The following ZMYM4 variants were observed in gnomAD, a reference collection of about 807,000 sequenced individuals.
ZMYM4 encodes zinc finger MYM-type protein 4.
Under a neutral mutation model 183.2 loss-of-function variants are expected in ZMYM4, and 31 were observed. The observed-to-expected ratio is 0.17, with a 90% CI of 0.13 to 0.23. The LOEUF is 0.23. ZMYM4 is among the 10% of genes least tolerant of loss of function. ZMYM4 has a pLI of 1.00. For synonymous variants in ZMYM4, 592 were observed against 631.2 expected (o/e 0.94, Z 0.93); for missense variants, 1,273 against 1,840.3 (o/e 0.69, Z 5.64).
At chr1:35,405,676 G>C (rs1020833311) in intron 25 of ZMYM4, among the ~76,000 whole-genome samples, 1 of 150,986 alleles carries the variant, frequency 6.6e-6, no homozygotes, top group African/African-American at 2.4e-5. Context: ...ACAGAATTTT[G>C]TTTTATTTTT....
At chr1:35,345,600 A>G (rs1044987046) in intron 2 of ZMYM4, among the ~76,000 whole-genome samples, 2 of 151,834 alleles carry the variant, frequency 1.3e-5, no homozygotes, top group African/African-American at 4.8e-5. Context: ...GGTGCATGCC[A>G]CTTCACCGGC....
chr1:35,384,195 G>A (rs764210305), intron 9 of ZMYM4, among the ~76,000 whole-genome samples: 1 of 152,162 alleles, frequency 6.6e-6, no homozygotes, highest in Non-Finnish European at 1.5e-5. Flanking sequence ...CTACTTGATA[G>A]GGAAAGATGA....
chr1:35,293,303 C>G (rs1449704547), intron 1 of ZMYM4, among the ~76,000 whole-genome samples: 1 of 151,990 alleles, frequency 6.6e-6, no homozygotes, highest in Non-Finnish European at 1.5e-5. Flanking sequence ...CCATACCATG[C>G]CATTAACATG....
At chr1:35,352,946 A>T (rs1186457713) in intron 2 of ZMYM4, among the ~76,000 whole-genome samples, 3 of 152,210 alleles carry the variant, frequency 2.0e-5, no homozygotes. Flanking sequence ...TCTTAACTAC[A>T]GGCTAATATA....
chr1:35,366,583 C>T (rs1336517723), intron 5 of ZMYM4, among the ~76,000 whole-genome samples: 1 of 151,982 alleles, frequency 6.6e-6, no homozygotes, highest in Non-Finnish European at 1.5e-5. Context: ...ATAAACTTCC[C>T]AGTTAGATGA....
chr1:35,358,889 A>G (rs755681871), intron 2 of ZMYM4, 36 bp from the exon 3 acceptor site: 38 of 1,556,808 alleles, frequency 2.4e-5, no homozygotes, highest in Non-Finnish European at 3.2e-5. Context: ...CATCTTTAGC[A>G]CTATCATTTG....
rs568862526 is a variant in ZMYM4 at position 35,366,477 on chromosome 1, A to G, written c.841-3552A>G. ...AAAATAATGGAAAAAGGGAAATAAA[A>G]TTATCACTTGCTATTAAGAATATTT... is the stretch of plus-strand genomic sequence containing the variant. On this transcript the variant is annotated intron_variant, in intron 5 of 29. Coordinates refer to ENST00000314607, the MANE Select transcript of ZMYM4 (RefSeq NM_005095.3). Among the ~76,000 whole-genome samples the G allele has an allele frequency of 1.1e-3, 175 of 152,334 alleles. 1 individual carries two copies. The highest frequency in any genetic ancestry group is 4.1e-3 in the African/African-American group (169 of 41,584).
intron 5 of ZMYM4, among the ~76,000 whole-genome samples, chr1:35,368,961 A>G (rs941520738): frequency 6.6e-6 from 1 of 152,166 alleles, no homozygotes; most frequent in Non-Finnish European, 1.5e-5. Context: ...TATCTTCATT[A>G]CTGAGGTTTT....
intron 2 of ZMYM4, among the ~76,000 whole-genome samples, chr1:35,356,248 A>G (rs1570426432): frequency 6.6e-6 from 1 of 152,220 alleles, no homozygotes; most frequent in East Asian, 1.9e-4. Flanking sequence ...AAGTAAATGT[A>G]GTGATATGGA....
intron 5 of ZMYM4, chr1:35,366,012 G>A (rs1193529300): frequency 1.3e-5 from 2 of 152,170 alleles, no homozygotes; most frequent in Non-Finnish European, 2.9e-5. Flanking sequence ...CCATCACAGA[G>A]ACTAAGAGAG....
intron 2 of ZMYM4, among the ~76,000 whole-genome samples, chr1:35,344,034 T>C (rs1031265894): frequency 2.0e-5 from 3 of 151,788 alleles, no homozygotes; most frequent in Non-Finnish European, 2.9e-5. Context: ...TATAGTCTTT[T>C]CATAAGCATG....
chr1:35,396,740 T>G, intron 19 of ZMYM4, 70 bp downstream of exon 19: 1 of 1,492,472 alleles, frequency 6.7e-7, no homozygotes, highest in Non-Finnish European at 9.0e-7. Flanking sequence ...TATAGTTCTG[T>G]GAAGAAAGTT....
chr1:35,355,200 C>CTT lies in ZMYM4; in HGVS notation c.86-3699_86-3698dup, dbSNP rs1013941289. ...AGGTGCCCGTCACCACGCCTGGCTT[C>CTT]TTTTTTTTTTTTTTTTTTTTTTTTT... On this transcript the variant is annotated intron_variant, in intron 2 of 29. Transcript: ENST00000314607. Among the ~76,000 whole-genome samples, 204 of 77,198 alleles carry CTT rather than the reference C, an allele frequency of 2.6e-3. 10 individuals are homozygous for CTT. Among genetic ancestry groups the CTT allele is most frequent in the African/African-American group, 4.4e-3 (85 of 19,242 alleles). The allele number at this position is 77,198 out of a possible 152,430, so 50.6% of individuals were successfully genotyped here.
chr1:35,301,780 G>T (rs1451618545), intron 1 of ZMYM4, among the ~76,000 whole-genome samples: 1 of 151,966 alleles, frequency 6.6e-6, no homozygotes, highest in Non-Finnish European at 1.5e-5. Flanking sequence ...TAGTATTCTG[G>T]CCTCTTTGAT....
At chr1:35,371,362 T>A (rs1644210174) in intron 7 of ZMYM4, among the ~76,000 whole-genome samples, 2 of 152,078 alleles carry the variant, frequency 1.3e-5, no homozygotes, top group African/African-American at 4.8e-5. Flanking sequence ...GTGATCTGCC[T>A]GCCTCAGCCT....
chr1:35,387,623 C>T lies in ZMYM4; in HGVS notation c.2263+19C>T, dbSNP rs566837492. ...AGTGAAGGTAAAGACAGAAGATTATCTTACCTACTGAGCATGTTGGTTGTT... is the reference window on the plus strand; with the variant it reads ...AGTGAAGGTAAAGACAGAAGATTATTTTACCTACTGAGCATGTTGGTTGTT... On this transcript the variant is annotated intron_variant, in intron 13 of 29. Transcript: ENST00000314607. 196 of 1,593,622 alleles carry T rather than the reference C, an allele frequency of 1.2e-4. 2 individuals are homozygous for T. In the South Asian group the frequency reaches 1.8e-3, roughly 14 times the overall value.
chr1:35,306,049 G>GTGTTTATTCCTTT (rs1641518650), intron 1 of ZMYM4, among the ~76,000 whole-genome samples: 1 of 152,112 alleles, frequency 6.6e-6, no homozygotes, highest in Non-Finnish European at 1.5e-5. Context: ...TAGACTTAAT[G>GTGTTTATTCCTTT]TAGTAATTAC....
intron 28 of ZMYM4, among the ~76,000 whole-genome samples, chr1:35,417,350 C>T (rs1173846816): frequency 6.6e-6 from 1 of 152,040 alleles, no homozygotes; most frequent in African/African-American, 2.4e-5. Flanking sequence ...GTATCTTCAC[C>T]CTGACTTCCT....
chr1:35,302,880 C>T (rs1641354132), intron 1 of ZMYM4, among the ~76,000 whole-genome samples: 1 of 151,694 alleles, frequency 6.6e-6, no homozygotes, highest in South Asian at 2.1e-4. Context: ...TGGCTCATGC[C>T]TGCAATCTCA....
Sources: allele counts gnomAD v4.1 joint callset (sites outside exome capture counted in the v4.1 genomes callset), GRCh38; gene constraint gnomAD v4.1.1; transcripts MANE v1.5; gene names NCBI Gene and HGNC (gene_info 2026-07-23, HGNC 2026-07-21).